The following TMEM252 variants were observed in gnomAD, a reference collection of about 807,000 sequenced individuals.
The protein encoded by TMEM252 is transmembrane protein C9orf71.
TMEM252 carries 4 observed loss-of-function variants against 6.4 expected under a neutral mutation model. The ratio of observed to expected loss-of-function variants is 0.62; its 90% CI spans 0.31 to 1.43. The LOEUF (loss-of-function observed/expected upper bound fraction) is 1.43, where lower values mean the gene tolerates loss of function less well. Among genes scored for constraint, TMEM252 ranks in the 40% most tolerant of loss-of-function variants. The probability of loss-of-function intolerance (pLI) is 0.07; values close to 1 mark genes in which losing one functional copy is unlikely to be tolerated. For synonymous variants in TMEM252, 85 were observed against 82.5 expected (o/e 1.03, Z -0.17); for missense variants, 207 against 209.4 (o/e 0.99, Z 0.07).
Position 68,536,989 on chromosome 9 carries a change from C to T in TMEM252, c.*270G>A, listed in dbSNP as rs1242074277. ...GTAAGCAGAGCTCTCAGAGTGACAC[C>T]TTTGGGGACCCAAGGCCAGCCGGGG... On this transcript the variant is annotated 3_prime_UTR_variant, in exon 2 of 2. Transcript: ENST00000377311. 2.5e-6 allele frequency: 1 copy of T among 397,236 alleles called. No individual in the cohort carries two copies. 24.6% of individuals were successfully genotyped at this position (397,236 alleles called of 1,614,324 possible).
intron 1 of TMEM252, among the ~76,000 whole-genome samples, chr9:68,538,653 C>T (rs1376511151): frequency 6.6e-6 from 1 of 152,168 alleles, no homozygotes; most frequent in Non-Finnish European, 1.5e-5. Context: ...GACCCATTTG[C>T]TTTGATATCT....
rs1432555512 is a variant in TMEM252 at position 68,537,422 on chromosome 9, T to C, written c.350A>G (p.Glu117Gly). ...VEKQSCPAER[E>G]ASGIPPPLYT... ...TAGAGGTGGAGGAATGCCAGAGGCC[T>C]CTCTCTCTGCAGGACAGCTCTGCTT... The change falls in exon 2 of 2, where the codon GAG becomes GGG. Residue 117 changes from glutamate (E) to glycine (G), a missense_variant. Physicochemically the swap from Glu to Gly is moderately conservative, Grantham distance 98. Transcript: ENST00000377311. 6.2e-7 allele frequency: 1 copy of C among 1,604,330 alleles called. No homozygotes were observed. Among genetic ancestry groups the C allele is most frequent in the Non-Finnish European group, 8.5e-7 (1 of 1,177,042 alleles).
rs1169757611 is a variant in TMEM252 at position 68,540,427 on chromosome 9, C to G, written c.278+110G>C. 6 of 1,452,410 alleles carry G rather than the reference C, an allele frequency of 4.1e-6. No individual in the cohort carries two copies. In the African/African-American group the frequency reaches 8.5e-5, roughly 20 times the overall value. The allele number at this position is 1,452,410 out of a possible 1,614,324, so 90.0% of individuals were successfully genotyped here. A position where few individuals can be genotyped will look rare whatever the true frequency, so the allele number is the denominator to read the frequency against. ...CAATAAAGCTTTGGTTCTAGACAGA[C>G]AGCCCATGGGACATGTAAGTCGCTC... On this transcript the variant is annotated intron_variant, in intron 1 of 1. Transcript: ENST00000377311.
intron 1 of TMEM252, among the ~76,000 whole-genome samples, chr9:68,537,767 A>G (rs991483307): frequency 1.3e-5 from 2 of 151,942 alleles, no homozygotes; most frequent in African/African-American, 2.4e-5. Flanking sequence ...TTGCTCATTC[A>G]CTCATGAAAA....
At chr9:68,540,458 T>C (rs942757683) in intron 1 of TMEM252, 79 bp downstream of exon 1, 10 of 1,579,046 alleles carry the variant, frequency 6.3e-6, no homozygotes, top group East Asian at 4.5e-5. Flanking sequence ...CGCTCCATAG[T>C]AGGATCAGAA....
chr9:68,538,292 G>A (rs1825165454), intron 1 of TMEM252, among the ~76,000 whole-genome samples: 1 of 152,192 alleles, frequency 6.6e-6, no homozygotes, highest in Non-Finnish European at 1.5e-5. Flanking sequence ...TGTATTTATA[G>A]AGTGATCCTT....
intron 1 of TMEM252, among the ~76,000 whole-genome samples, chr9:68,540,101 C>T (rs1825185169): frequency 1.3e-5 from 2 of 152,222 alleles, no homozygotes; most frequent in African/African-American, 4.8e-5. Context: ...TCTGAGCTCA[C>T]AGAGATTCCA....
chr9:68,537,927 A>C (rs1049844386), intron 1 of TMEM252, among the ~76,000 whole-genome samples: 1 of 152,214 alleles, frequency 6.6e-6, no homozygotes, highest in African/African-American at 2.4e-5. Flanking sequence ...ACTTTCTCTG[A>C]TCATCACAGC....
Position 68,537,233 on chromosome 9 carries a change from A to C in TMEM252, c.*26T>G. ...AGCTGCTCCCCACAGTGGTGGCATCATGAGTGCTGGAGAGCTTTCTCTGCC... is the reference window on the plus strand; with the variant it reads ...AGCTGCTCCCCACAGTGGTGGCATCCTGAGTGCTGGAGAGCTTTCTCTGCC... On this transcript the variant is annotated 3_prime_UTR_variant, in exon 2 of 2. Transcript: ENST00000377311. 1 of 1,588,604 alleles carries C rather than the reference A, an allele frequency of 6.3e-7. No homozygotes were observed. Among genetic ancestry groups the C allele is most frequent in the Non-Finnish European group, 8.6e-7 (1 of 1,166,364 alleles).
At position 68,540,464 on chromosome 9, in the gene TMEM252, C is replaced by G. The variant is rs180945536; in HGVS notation, c.278+73G>C. On this transcript the variant is annotated intron_variant, in intron 1 of 1. Transcript: ENST00000377311. ...CATGTAAGTCGCTCCATAGTAGGAT[C>G]AGAAATTACTCAGATCTTACACAAC... 6.5e-4 allele frequency: 1,027 copies of G among 1,585,718 alleles called. 1 individual carries two copies. The highest frequency in any genetic ancestry group is 8.4e-4 in the Non-Finnish European group (975 of 1,163,208).
chr9:68,540,560 G>A lies in TMEM252; in HGVS notation c.255C>T (p.Ala85=). ...ACCTGTCTACTGTGGCCACGGGCAG[G>A]GCCCCATGAGCAAGGTGTTGTCGGA... The part of the protein sequence containing the change: ...HMLRQHLAHG[A]LPVATVDRPD... The change falls in exon 1 of 2, where the codon GCC becomes GCT. Residue 85 remains alanine, a synonymous_variant. Transcript: ENST00000377311. 1 of 1,614,118 alleles carries A rather than the reference G, an allele frequency of 6.2e-7. No homozygotes were observed. Among genetic ancestry groups the A allele is most frequent in the Non-Finnish European group, 8.5e-7 (1 of 1,180,010 alleles).
Position 68,537,283 on chromosome 9 carries a change from G to T in TMEM252, c.489C>A (p.Ala163=). ...CTCAGCACTCTTGGCCTCGCCTCTG[G>T]GCGTCCTCTGAGATTGCTGTCACCA... ...GLVVTAISED[A]QRRGQEC is the part of the protein sequence containing the mutation. The change falls in exon 2 of 2, where the codon GCC becomes GCA. Residue 163 remains alanine (A), a synonymous_variant. Coordinates refer to ENST00000377311, the MANE Select transcript of TMEM252 (RefSeq NM_153237.2). 1 of 1,602,560 alleles carries T rather than the reference G, an allele frequency of 6.2e-7. No individual in the cohort carries two copies. Among genetic ancestry groups the T allele is most frequent in the Admixed American group, 1.8e-5 (1 of 56,840 alleles).
chr9:68,538,846 AGT>A (rs544609668), intron 1 of TMEM252, among the ~76,000 whole-genome samples: 2 of 152,338 alleles, frequency 1.3e-5, no homozygotes, highest in South Asian at 2.1e-4. Context: ...AATATTATGC[AGT>A]GTTAGTCAAT....
intron 1 of TMEM252, among the ~76,000 whole-genome samples, chr9:68,538,448 C>T (rs1449061954): frequency 6.6e-6 from 1 of 152,190 alleles, no homozygotes; most frequent in Non-Finnish European, 1.5e-5. Context: ...TCTCAGCCTT[C>T]GCTCAGAATA....
chr9:68,540,702 C>G lies in TMEM252; in HGVS notation c.113G>C (p.Gly38Ala). The G allele has an allele frequency of 6.2e-7, 1 of 1,614,100 alleles. No homozygotes were observed. The highest frequency in any genetic ancestry group is 8.5e-7 in the Non-Finnish European group (1 of 1,180,014). ...AAGCAAATAGGCCGCAATCAGGCTCCCCTGACAGTCGAATATGGAGCCCCA... is the reference window on the plus strand; with the variant it reads ...AAGCAAATAGGCCGCAATCAGGCTCGCCTGACAGTCGAATATGGAGCCCCA... ...ISWGSIFDCQ[G>A]SLIAAYLLLP... Residue 38 changes from glycine to alanine, a missense_variant, in exon 1 of 2, where the codon GGG becomes GCG. Gly to Ala is a moderately conservative substitution (Grantham distance 60, BLOSUM62 0). Coordinates refer to ENST00000377311, the MANE Select transcript of TMEM252 (RefSeq NM_153237.2).
Position 68,540,571 on chromosome 9 carries a change from C to T in TMEM252, c.244G>A (p.Ala82Thr), listed in dbSNP as rs138465159. 4.7e-4 allele frequency: 757 copies of T among 1,614,208 alleles called. 2 individuals carry two copies. The highest frequency in any genetic ancestry group is 6.6e-4 in the Middle Eastern group (4 of 6,054). The change falls in exon 1 of 2, where the codon GCT (alanine) becomes ACT (threonine). Residue 82 changes from alanine to threonine, a missense_variant. Coordinates refer to ENST00000377311, the MANE Select transcript of TMEM252 (RefSeq NM_153237.2). ...VLRHMLRQHL[A>T]HGALPVATVD... ...GTGGCCACGGGCAGGGCCCCATGAGCAAGGTGTTGTCGGAGCATGTGCCTC... is the reference window on the plus strand; with the variant it reads ...GTGGCCACGGGCAGGGCCCCATGAGTAAGGTGTTGTCGGAGCATGTGCCTC...
rs201664562 is a variant in TMEM252 at position 68,539,944 on chromosome 9, GT to G, written c.278+592del. Among the ~76,000 whole-genome samples the G allele has an allele frequency of 4.9e-3, 743 of 152,302 alleles. 9 individuals are homozygous for G. The highest frequency in any genetic ancestry group is 0.016 in the African/African-American group (685 of 41,558). On this transcript the variant is annotated intron_variant, in intron 1 of 1. Transcript: ENST00000377311. ...CATCCTCACCAACACTAGCTGTTTG[GT>G]TTTGTTTTTTGATGATAACTATCCT...
intron 1 of TMEM252, among the ~76,000 whole-genome samples, chr9:68,540,052 G>A (rs1263063157): frequency 2.6e-5 from 4 of 152,224 alleles, no homozygotes; most frequent in Admixed American, 2.6e-4. Flanking sequence ...TATGCAAGGT[G>A]AGATCACAAC....
At chr9:68,538,251 G>A (rs1825164874) in intron 1 of TMEM252, among the ~76,000 whole-genome samples, 1 of 152,170 alleles carries the variant, frequency 6.6e-6, no homozygotes, top group Admixed American at 6.5e-5. Context: ...GGAGAGGGGA[G>A]GAAGAGAGAC....
Sources: gnomAD v4.1 joint callset for allele counts (sites outside exome capture counted in the v4.1 genomes callset) on GRCh38, gnomAD v4.1.1 for gene constraint, MANE v1.5 for transcripts, NCBI Gene and HGNC (gene_info 2026-07-23, HGNC 2026-07-21) for gene names.